DACH2: variants seen among roughly 807,000 people sequenced by gnomAD.
DACH2 encodes the protein dachshund family transcription factor 2, also known as dachshund homolog 2.
DACH2 carries 17 observed loss-of-function variants against 35.8 expected under a neutral mutation model. The ratio of observed to expected loss-of-function variants is 0.48; its 90% confidence interval spans 0.33 to 0.71. DACH2 has a LOEUF of 0.71. DACH2 is among the 30% of genes least tolerant of loss of function. The probability of loss-of-function intolerance (pLI) is 0.02; values close to 1 mark genes in which losing one functional copy is unlikely to be tolerated. For missense variants in DACH2, 469 were observed against 472.7 expected (o/e 0.99, Z 0.07); for synonymous variants, 195 against 177.3 (o/e 1.10, Z -0.79).
chrX:86,346,738 C>A (rs1030631906), intron 1 of DACH2, among the ~76,000 whole-genome samples: 10 of 111,664 alleles, frequency 9.0e-5, no homozygotes, highest in Non-Finnish European at 1.9e-4. Flanking sequence ...ATCCCCTATA[C>A]TTTTTTGTGG....
chrX:86,385,523 G>A (rs2036110697), intron 2 of DACH2, among the ~76,000 whole-genome samples: 1 of 111,330 alleles, frequency 9.0e-6, no homozygotes. Context: ...ATTGTATTAG[G>A]TATTATAAGT....
intron 1 of DACH2, among the ~76,000 whole-genome samples, chrX:86,264,172 G>T (rs1325059962): frequency 1.8e-5 from 2 of 111,782 alleles, no homozygotes; most frequent in Non-Finnish European, 3.8e-5. Context: ...TTGCAAAACT[G>T]GATTCATCTA....
At chrX:86,463,633 A>C (rs2037613919) in intron 2 of DACH2, among the ~76,000 whole-genome samples, 1 of 111,605 alleles carries the variant, frequency 9.0e-6, no homozygotes, top group Non-Finnish European at 1.9e-5. Context: ...TTCATGACTA[A>C]AACACCAAAA....
intron 4 of DACH2, among the ~76,000 whole-genome samples, chrX:86,692,712 G>A (rs1315270287): frequency 8.9e-6 from 1 of 111,799 alleles, no homozygotes; most frequent in Non-Finnish European, 1.9e-5. Flanking sequence ...TCTTCTAAAT[G>A]TATCTTCTTT....
At chrX:86,366,292 T>C (rs749027902) in intron 1 of DACH2, among the ~76,000 whole-genome samples, 2 of 111,129 alleles carry the variant, frequency 1.8e-5, no homozygotes, top group East Asian at 2.9e-4. Context: ...CATTTACTTT[T>C]ATCTAAGGAG....
intron 2 of DACH2, among the ~76,000 whole-genome samples, chrX:86,470,463 T>C (rs181288756): frequency 8.9e-6 from 1 of 111,899 alleles, no homozygotes; most frequent in African/African-American, 3.2e-5. Flanking sequence ...AAATCATATG[T>C]AGCATATTTA....
intron 1 of DACH2, among the ~76,000 whole-genome samples, chrX:86,157,301 T>A (rs1158280402): frequency 8.9e-6 from 1 of 111,867 alleles, no homozygotes; most frequent in Non-Finnish European, 1.9e-5. Flanking sequence ...TCTTATCAGG[T>A]TGCTGGCAAC....
intron 2 of DACH2, among the ~76,000 whole-genome samples, chrX:86,397,961 A>G: frequency 9.0e-6 from 1 of 111,715 alleles, no homozygotes; most frequent in East Asian, 2.8e-4. Flanking sequence ...TTTCAGAAGG[A>G]ATGGTACCAG....
chrX:86,257,594 G>T (rs1443023762), intron 1 of DACH2, among the ~76,000 whole-genome samples: 1 of 111,567 alleles, frequency 9.0e-6, no homozygotes, highest in African/African-American at 3.3e-5. Context: ...CTTTTGTAGA[G>T]ATGGGGTTTT....
intron 3 of DACH2, among the ~76,000 whole-genome samples, chrX:86,631,940 G>T (rs1359105149): frequency 9.0e-6 from 1 of 110,548 alleles, no homozygotes; most frequent in Non-Finnish European, 1.9e-5. Context: ...TTGTTTTAGA[G>T]CATGCATGAA....
At chrX:86,645,170 G>A (rs2040399783) in intron 3 of DACH2, among the ~76,000 whole-genome samples, 1 of 111,155 alleles carries the variant, frequency 9.0e-6, no homozygotes, top group Admixed American at 9.6e-5. Context: ...CTATGCATCT[G>A]ACAAAATTCT....
At chrX:86,304,756 C>T (rs1310184239) in intron 1 of DACH2, 1 of 163,463 alleles carries the variant, frequency 6.1e-6, no homozygotes, top group Non-Finnish European at 1.3e-5. Flanking sequence ...TGGTAGAATG[C>T]GACCTAAGCA....
intron 1 of DACH2, chrX:86,304,395 C>T (rs1458276000): frequency 8.9e-6 from 1 of 112,095 alleles, no homozygotes; most frequent in African/African-American, 3.2e-5. Flanking sequence ...TTGAGAGCTA[C>T]TGAGTTTTGG....
intron 7 of DACH2, among the ~76,000 whole-genome samples, chrX:86,784,294 C>T (rs1297894895): frequency 1.0e-5 from 1 of 96,649 alleles, no homozygotes; most frequent in Non-Finnish European, 2.1e-5. Flanking sequence ...AAACAAACAT[C>T]CCCAACAAAA....
chrX:86,293,172 A>T (rs1466048542), intron 1 of DACH2, among the ~76,000 whole-genome samples: 1 of 104,464 alleles, frequency 9.6e-6, no homozygotes, highest in African/African-American at 3.5e-5. Flanking sequence ...TCCCTTTACC[A>T]TTATGTAATG....
intron 1 of DACH2, chrX:86,160,391 A>G (rs1602242531): frequency 1.6e-6 from 1 of 626,465 alleles, no homozygotes; most frequent in Non-Finnish European, 2.6e-6. Flanking sequence ...CTCAATACAC[A>G]TGAGGTTGCC....
chrX:86,268,824 G>A (rs1164091146), intron 1 of DACH2, among the ~76,000 whole-genome samples: 2 of 110,626 alleles, frequency 1.8e-5, no homozygotes, highest in African/African-American at 3.3e-5. Flanking sequence ...GTGACTCACC[G>A]AGCCTGGACA....
chrX:86,175,548 T>G (rs753981441), intron 1 of DACH2, among the ~76,000 whole-genome samples: 1 of 111,640 alleles, frequency 9.0e-6, no homozygotes, highest in African/African-American at 3.3e-5. Flanking sequence ...TGAGGTTATT[T>G]TTTTATCATG....
intron 3 of DACH2, among the ~76,000 whole-genome samples, chrX:86,552,212 A>G (rs62593315): frequency 0.049 from 5,494 of 111,109 alleles, 116 homozygotes; most frequent in Middle Eastern, 0.09. Flanking sequence ...CGTGAATATA[A>G]AGAGACATAT....
Sources: allele counts gnomAD v4.1 joint callset (sites outside exome capture counted in the v4.1 genomes callset), GRCh38; gene constraint gnomAD v4.1.1; transcripts MANE v1.5; gene names NCBI Gene and HGNC (gene_info 2026-07-23, HGNC 2026-07-21).